Variants in DLG1 observed in about 807,000 individuals in gnomAD.
DLG1 encodes the protein discs large MAGUK scaffold protein 1, also known as disks large homolog 1.
A neutral mutation model predicts 123.4 loss-of-function variants in DLG1; 42 were observed. That is an observed-to-expected ratio of 0.34 (90% CI 0.27 to 0.44). The LOEUF (loss-of-function observed/expected upper bound fraction) is 0.44, where lower values mean the gene tolerates loss of function less well. Among genes scored for constraint, DLG1 ranks in the 20% least tolerant of loss-of-function variants. The pLI is 1.00. For missense variants in DLG1, 942 were observed against 1,082.6 expected (o/e 0.87, Z 1.82); for synonymous variants, 317 against 356.2 (o/e 0.89, Z 1.24).
chr3:197,075,634 CAT>C (rs1560491828), intron 18 of DLG1, among the ~76,000 whole-genome samples: 2 of 151,902 alleles, frequency 1.3e-5, no homozygotes, highest in African/African-American at 2.4e-5. Context: ...TTTCAAATGA[CAT>C]GTGAAAAATA....
chr3:197,138,807 T>C (rs1786408072), intron 8 of DLG1, among the ~76,000 whole-genome samples: 1 of 152,134 alleles, frequency 6.6e-6, no homozygotes, highest in African/African-American at 2.4e-5. Flanking sequence ...TATATTTTAA[T>C]CCCTATTTCA....
intron 4 of DLG1, among the ~76,000 whole-genome samples, chr3:197,219,194 T>C (rs1735647274): frequency 6.6e-6 from 1 of 152,164 alleles, no homozygotes. Flanking sequence ...ACTGTCCTCT[T>C]ACCTATCCTC....
chr3:197,107,581 A>G (rs1401048729), intron 13 of DLG1, among the ~76,000 whole-genome samples: 1 of 151,962 alleles, frequency 6.6e-6, no homozygotes, highest in Non-Finnish European at 1.5e-5. Flanking sequence ...CCAAAAAAAA[A>G]AGGATATACC....
At chr3:197,247,035 G>T (rs414615) in intron 4 of DLG1, among the ~76,000 whole-genome samples, 2 of 152,008 alleles carry the variant, frequency 1.3e-5, no homozygotes, top group East Asian at 3.9e-4. Flanking sequence ...TTGATCTGCA[G>T]TCCCATAGGG....
At chr3:197,065,541 C>G in intron 21 of DLG1, 93 bp from the exon 22 acceptor site, 1 of 1,177,620 alleles carries the variant, frequency 8.5e-7, no homozygotes, top group African/African-American at 1.6e-5. Flanking sequence ...TAAAGTTCAA[C>G]AGAACAGATT....
At chr3:197,194,705 G>T in intron 4 of DLG1, 116 bp from the exon 5 acceptor site, 3 of 572,836 alleles carry the variant, frequency 5.2e-6, no homozygotes, top group Non-Finnish European at 8.7e-6. Context: ...GTATATTTAT[G>T]GTTTAATACA....
At chr3:197,156,871 T>C (rs1174326731) in intron 5 of DLG1, among the ~76,000 whole-genome samples, 1 of 152,118 alleles carries the variant, frequency 6.6e-6, no homozygotes. Flanking sequence ...TACCACATTC[T>C]CCATAATGGG....
At chr3:197,188,032 C>CA (rs1717114552) in intron 5 of DLG1, among the ~76,000 whole-genome samples, 1 of 152,010 alleles carries the variant, frequency 6.6e-6, no homozygotes, top group Non-Finnish European at 1.5e-5. Flanking sequence ...CACCACCATC[C>CA]ACTACCACCA....
At chr3:197,200,411 T>C (rs1202988570) in intron 4 of DLG1, among the ~76,000 whole-genome samples, 2 of 152,042 alleles carry the variant, frequency 1.3e-5, no homozygotes, top group African/African-American at 4.8e-5. Flanking sequence ...CACATTAACA[T>C]AAAAGGAGCA....
intron 11 of DLG1, among the ~76,000 whole-genome samples, chr3:197,129,782 G>A (rs1259253449): frequency 6.6e-6 from 1 of 152,118 alleles, no homozygotes; most frequent in African/African-American, 2.4e-5. Context: ...AGGGAGGCCC[G>A]AGGAGAGCGA....
chr3:197,053,054 A>G (rs1417903152), intron 23 of DLG1, among the ~76,000 whole-genome samples: 1 of 152,232 alleles, frequency 6.6e-6, no homozygotes, highest in Non-Finnish European at 1.5e-5. Context: ...GGAATGTCTG[A>G]GACTTGTTTC....
chr3:197,181,624 TA>T (rs901633365), intron 5 of DLG1, among the ~76,000 whole-genome samples: 12 of 152,016 alleles, frequency 7.9e-5, no homozygotes, highest in African/African-American at 2.9e-4. Context: ...CAGTAAGTTA[TA>T]AAAAAATTAA....
At position 197,140,212 on chromosome 3, in the gene DLG1, A is replaced by G; in HGVS notation, c.641T>C (p.Ile214Thr). 1.2e-6 allele frequency: 2 copies of G among 1,613,702 alleles called. No individual in the cohort carries two copies. Among genetic ancestry groups the G allele is most frequent in the East Asian group, 2.2e-5 (1 of 44,850 alleles). Reference protein sequence around the residue: ...SIAGGTDNPHIGDDSSIFITK... With the variant: ...SIAGGTDNPHTGDDSSIFITK... ...AATGAAAATACTTGAGTCATCTCCA[A>G]TGTGTGGGTTGTCCGTACCTCCTGC... Residue 214 changes from isoleucine (I) to threonine (T), a missense_variant, in exon 8 of 25, where the codon ATT becomes ACT. Transcript: ENST00000667157.
At chr3:197,160,383 C>G (rs1251507976) in intron 5 of DLG1, among the ~76,000 whole-genome samples, 1 of 140,118 alleles carries the variant, frequency 7.1e-6, no homozygotes, top group Non-Finnish European at 1.6e-5. Flanking sequence ...AAAAAAAAAA[C>G]TGTACTAATA....
rs1753881029 is a variant in DLG1, at chr3:197,085,589, C to T, written c.1829G>A (p.Ser610Asn). Reference sequence around the variant, plus strand: ...TAAGAAACAGGCATACCTGCGTTTACTGGGAATCACTCCGACCTCATCGCT... The same window carrying T: ...TAAGAAACAGGCATACCTGCGTTTATTGGGAATCACTCCGACCTCATCGCT... ...GESDEVGVIP[S>N]KRRVEKKERA... The change falls in exon 16 of 25, where the codon AGT becomes AAT. Residue 610 changes from serine (S) to asparagine (N), a missense_variant. Transcript: ENST00000667157. The T allele has an allele frequency of 6.2e-7, 1 of 1,613,842 alleles. No homozygotes were observed. Among genetic ancestry groups the T allele is most frequent in the African/African-American group, 1.3e-5 (1 of 74,898 alleles).
chr3:197,105,240 A>C (rs571443662), intron 13 of DLG1, among the ~76,000 whole-genome samples: 2 of 152,358 alleles, frequency 1.3e-5, no homozygotes, highest in African/African-American at 4.8e-5. Context: ...AGTAAAACCA[A>C]AACATTTTCC....
chr3:197,295,997 C>A (rs1017591649), intron 3 of DLG1, among the ~76,000 whole-genome samples: 2 of 152,210 alleles, frequency 1.3e-5, no homozygotes, highest in Non-Finnish European at 1.5e-5. Context: ...CCTTCACACG[C>A]TTTCAATGAC....
chr3:197,084,791 T>C (rs1307966788), intron 16 of DLG1, among the ~76,000 whole-genome samples: 1 of 151,454 alleles, frequency 6.6e-6, no homozygotes, highest in Non-Finnish European at 1.5e-5. Context: ...GATATAGATA[T>C]AGATATAGAT....
chr3:197,108,696 G>C (rs1440071589), intron 13 of DLG1, among the ~76,000 whole-genome samples: 1 of 151,994 alleles, frequency 6.6e-6, no homozygotes, highest in Non-Finnish European at 1.5e-5. Flanking sequence ...GTGTCTTTTG[G>C]TTACTTTTTG....
Sources: allele counts gnomAD v4.1 joint callset (sites outside exome capture counted in the v4.1 genomes callset), GRCh38; gene constraint gnomAD v4.1.1; transcripts MANE v1.5; gene names NCBI Gene and HGNC (gene_info 2026-07-23, HGNC 2026-07-21).